TSC22D2: variants seen among roughly 807,000 people sequenced by gnomAD.
The protein encoded by TSC22D2 is TSC22 domain family protein 2.
A neutral mutation model predicts 50.1 loss-of-function variants in TSC22D2; 5 were observed. The ratio of observed to expected loss-of-function variants is 0.10; its 90% CI spans 0.05 to 0.21. TSC22D2 has a LOEUF of 0.21. TSC22D2 is among the 10% of genes least tolerant of loss of function. The pLI is 1.00. For synonymous variants in TSC22D2, 501 were observed against 450.1 expected, an observed-to-expected ratio of 1.11 and a Z score of -1.43; for missense variants, 1,003 against 1,015.5, an observed-to-expected ratio of 0.99 and a Z score of 0.17.
chr3:150,443,811 A>C (rs1560089500), intron 1 of TSC22D2, among the ~76,000 whole-genome samples: 1 of 152,246 alleles, frequency 6.6e-6, no homozygotes, highest in Non-Finnish European at 1.5e-5. Context: ...GCTTTTCACC[A>C]GATTTACAAA....
intron 1 of TSC22D2, among the ~76,000 whole-genome samples, chr3:150,418,913 A>C (rs190013995): frequency 2.6e-5 from 4 of 152,188 alleles, no homozygotes; most frequent in South Asian, 4.1e-4. Flanking sequence ...GCTGAGTCCC[A>C]AAAATCAGAA....
In TSC22D2 at chr3:150,458,605, C is replaced by G; in HGVS notation, c.2240C>G (p.Pro747Arg). ...VIAQPPQPTQ[P>R]PQQPNVSSA ...GCACAGCCTCCGCAGCCAACGCAAC[C>G]TCCACAGCAGCCGAATGTCTCCTCA... is the stretch of plus-strand genomic sequence containing the variant. Residue 747 changes from proline to arginine, a missense_variant, in exon 3 of 3, where the codon CCT becomes CGT. Transcript: ENST00000688009. 2 of 1,614,158 alleles carry G rather than the reference C, an allele frequency of 1.2e-6. No homozygotes were observed. The highest frequency in any genetic ancestry group is 1.7e-6 in the Non-Finnish European group (2 of 1,180,012).
At chr3:150,453,283 G>T (rs1721095208) in intron 1 of TSC22D2, among the ~76,000 whole-genome samples, 2 of 152,130 alleles carry the variant, frequency 1.3e-5, no homozygotes, top group South Asian at 4.1e-4. Context: ...GGTGAAGGAA[G>T]GAAATTATTG....
chr3:150,431,174 G>A (rs574521498), intron 1 of TSC22D2, among the ~76,000 whole-genome samples: 61 of 130,058 alleles, frequency 4.7e-4, no homozygotes, highest in Non-Finnish European at 8.8e-4. Flanking sequence ...GCAGTGAGCC[G>A]AGATCGCGCC....
intron 1 of TSC22D2, among the ~76,000 whole-genome samples, chr3:150,447,475 A>C (rs1374042805): frequency 1.3e-5 from 2 of 152,108 alleles, no homozygotes; most frequent in Non-Finnish European, 2.9e-5. Flanking sequence ...TTCTCTCTAT[A>C]TTTCTCCAAC....
chr3:150,421,747 G>A (rs935493801), intron 1 of TSC22D2, among the ~76,000 whole-genome samples: 2 of 152,042 alleles, frequency 1.3e-5, no homozygotes, highest in Non-Finnish European at 2.9e-5. Context: ...CCCCAGAATT[G>A]CCATGTTGTA....
chr3:150,409,770 G>C lies in TSC22D2; in HGVS notation c.420G>C (p.Ala140=), dbSNP rs746461403. ...GAGCACCCGGCGGCCCCCAGCTCGC[G>C]GGCTCATCCGCCGGGCCAGTGACTG... ...APGAPGGPQL[A]GSSAGPVTAA... The change falls in exon 1 of 3, where the codon GCG becomes GCC. Residue 140 remains alanine (A), a synonymous_variant. Transcript: ENST00000688009. The surrounding 1 kb of genome is among the most constrained non-coding windows in gnomAD (Gnocchi z 7.4). 6.2e-7 allele frequency: 1 copy of C among 1,601,812 alleles called. No homozygotes were observed. The highest frequency in any genetic ancestry group is 8.5e-7 in the Non-Finnish European group (1 of 1,179,104).
At position 150,409,714 on chromosome 3, in the gene TSC22D2, G is replaced by T. The variant is rs1719435128; in HGVS notation, c.364G>T (p.Ala122Ser). 3.8e-6 allele frequency: 6 copies of T among 1,591,094 alleles called. No homozygotes were observed. The highest frequency in any genetic ancestry group is 5.1e-6 in the Non-Finnish European group (6 of 1,173,026). The part of the protein sequence containing the change: ...SVSGALASTL[A>S]AAATSAPAPG... ...GTCTGGGGCGCTCGCCAGTACCCTG[G>T]CGGCGGCTGCCACTTCGGCCCCCGC... Residue 122 changes from alanine (A) to serine (S), a missense_variant, in exon 1 of 3, where the codon GCG becomes TCG. Physicochemically the swap from Ala to Ser is moderately conservative, Grantham distance 99 (BLOSUM62 1). This residue lies in a region of TSC22D2 where 200 missense variants were observed against 182.8 expected (regional missense o/e 1.09). Coordinates refer to ENST00000688009, the MANE Select transcript of TSC22D2 (RefSeq NM_001303264.2). This position sits in a 1 kb window ranked among gnomAD's most constrained non-coding sequence, Gnocchi z 7.4.
intron 1 of TSC22D2, among the ~76,000 whole-genome samples, chr3:150,453,826 A>G (rs1003354557): frequency 6.6e-6 from 1 of 152,222 alleles, no homozygotes; most frequent in Non-Finnish European, 1.5e-5. Context: ...CTTATTCACA[A>G]AGATGAAGAA....
chr3:150,450,527 A>G, intron 1 of TSC22D2, among the ~76,000 whole-genome samples: 1 of 152,140 alleles, frequency 6.6e-6, no homozygotes, highest in Non-Finnish European at 1.5e-5. Flanking sequence ...TAATTAGAAT[A>G]ACATAACATT....
chr3:150,412,598 C>A (rs1038582134), intron 1 of TSC22D2, among the ~76,000 whole-genome samples: 6 of 152,096 alleles, frequency 3.9e-5, no homozygotes, highest in African/African-American at 1.4e-4. Flanking sequence ...ATTTAAAGTT[C>A]ATCTTTTTTT....
chr3:150,428,609 A>G (rs1576547481), intron 1 of TSC22D2, among the ~76,000 whole-genome samples: 1 of 147,956 alleles, frequency 6.8e-6, no homozygotes, highest in Admixed American at 6.7e-5. Flanking sequence ...AAAAAAAAAA[A>G]CATACTTAGA....
intron 1 of TSC22D2, among the ~76,000 whole-genome samples, chr3:150,450,146 A>C (rs1005730648): frequency 1.3e-5 from 2 of 152,092 alleles, no homozygotes; most frequent in East Asian, 3.8e-4. Context: ...ATGCTCTTTA[A>C]TCTACGCTTT....
chr3:150,410,011 A>G lies in TSC22D2; in HGVS notation c.661A>G (p.Thr221Ala). The change falls in exon 1 of 3, where the codon ACC becomes GCC. Residue 221 changes from threonine (T) to alanine (A), a missense_variant. Physicochemically the swap from Thr to Ala is moderately conservative, Grantham distance 58. Transcript: ENST00000688009. The part of the protein sequence containing the change: ...TAERDSGLGA[T>A]GGSVVVVVAS... ...GGAGCGGGACAGCGGCCTGGGCGCCACCGGAGGGTCGGTGGTGGTAGTAGT... is the reference window on the plus strand; with the variant it reads ...GGAGCGGGACAGCGGCCTGGGCGCCGCCGGAGGGTCGGTGGTGGTAGTAGT... The G allele has an allele frequency of 6.2e-7, 1 of 1,613,506 alleles. No individual in the cohort carries two copies. The highest frequency in any genetic ancestry group is 8.5e-7 in the Non-Finnish European group (1 of 1,180,004).
chr3:150,437,176 A>G (rs751682964), intron 1 of TSC22D2, among the ~76,000 whole-genome samples: 8 of 152,188 alleles, frequency 5.3e-5, no homozygotes, highest in Non-Finnish European at 1.0e-4. Flanking sequence ...AGTGATTAAC[A>G]TAGATGCCCA....
At chr3:150,436,680 G>A (rs1431825193) in intron 1 of TSC22D2, among the ~76,000 whole-genome samples, 2 of 152,080 alleles carry the variant, frequency 1.3e-5, no homozygotes, top group Non-Finnish European at 2.9e-5. Flanking sequence ...CCTTCACCAG[G>A]TGATTACATT....
Position 150,410,949 on chromosome 3 carries a change from G to A in TSC22D2, c.1599G>A (p.Ala533=), listed in dbSNP as rs1719531785. 5 of 1,614,124 alleles carry A rather than the reference G, an allele frequency of 3.1e-6. No individual in the cohort carries two copies. The highest frequency in any genetic ancestry group is 4.2e-6 in the Non-Finnish European group (5 of 1,180,036). Reference sequence around the variant, plus strand: ...CTGTTACTATGCCAAATGTACCCGCGCCTCTGGCCCAGTCGCAACAGCTGA... The same window carrying A: ...CTGTTACTATGCCAAATGTACCCGCACCTCTGGCCCAGTCGCAACAGCTGA... The part of the protein sequence containing the change: ...TTSVTMPNVP[A]PLAQSQQLSS... The change falls in exon 1 of 3, where the codon GCG becomes GCA. Residue 533 remains alanine, a synonymous_variant. Transcript: ENST00000688009.
chr3:150,456,129 A>G (rs553538779), intron 1 of TSC22D2, among the ~76,000 whole-genome samples: 13 of 152,190 alleles, frequency 8.5e-5, no homozygotes, highest in African/African-American at 2.9e-4. Context: ...TTTGCCAGCA[A>G]GTAACCTACA....
At chr3:150,450,771 TGATTA>T (rs886813176) in intron 1 of TSC22D2, among the ~76,000 whole-genome samples, 6 of 152,174 alleles carry the variant, frequency 3.9e-5, no homozygotes, top group Non-Finnish European at 8.8e-5. Context: ...AACTGTAGAT[TGATTA>T]GATTTATTCC....
Sources: allele counts gnomAD v4.1 joint callset (sites outside exome capture counted in the v4.1 genomes callset), GRCh38; gene constraint gnomAD v4.1.1; regional missense constraint gnomAD v4.1.1; non-coding constraint Gnocchi (gnomAD v3.1); transcripts MANE v1.5; gene names NCBI Gene and HGNC (gene_info 2026-07-23, HGNC 2026-07-21).